Variants in TENM4 observed in about 807,000 individuals in gnomAD.
The protein encoded by TENM4 is teneurin-4.
In TENM4, 82 loss-of-function variants were observed where a neutral mutation model predicts 243.3. The ratio of observed to expected loss-of-function variants is 0.34; its 90% confidence interval spans 0.28 to 0.40. The LOEUF (loss-of-function observed/expected upper bound fraction) is 0.40, where lower values mean the gene tolerates loss of function less well. Among genes scored for constraint, TENM4 ranks in the 10% least tolerant of loss-of-function variants. TENM4 has a pLI of 1.00. For synonymous variants in TENM4, 1,412 were observed against 1,456.3 expected (o/e 0.97, Z 0.69); for missense variants, 3,138 against 3,673.3 (o/e 0.85, Z 3.77).
chr11:79,268,625 A>T (rs546644544), intron 2 of TENM4, among the ~76,000 whole-genome samples: 1 of 152,332 alleles, frequency 6.6e-6, no homozygotes, highest in South Asian at 2.1e-4. Context: ...TCATTTGTGG[A>T]CCATGCATAA....
intron 17 of TENM4, among the ~76,000 whole-genome samples, chr11:78,777,224 T>C (rs1591015815): frequency 6.6e-6 from 1 of 152,192 alleles, no homozygotes; most frequent in Non-Finnish European, 1.5e-5. Context: ...GAAGTACTAC[T>C]CTTTCTTGCT....
chr11:79,157,223 A>G (rs1459266416), intron 3 of TENM4, among the ~76,000 whole-genome samples: 1 of 152,150 alleles, frequency 6.6e-6, no homozygotes, highest in African/African-American at 2.4e-5. Flanking sequence ...GCAATAAGAC[A>G]AGCCATAACT....
At chr11:78,999,290 G>T (rs1420108117) in intron 6 of TENM4, among the ~76,000 whole-genome samples, 3 of 152,140 alleles carry the variant, frequency 2.0e-5, no homozygotes, top group African/African-American at 7.2e-5. Context: ...GAGGTGGGTG[G>T]ATCACGAGGT....
chr11:79,339,813 G>A (rs1017485955), intron 1 of TENM4, among the ~76,000 whole-genome samples: 1 of 152,166 alleles, frequency 6.6e-6, no homozygotes, highest in African/African-American at 2.4e-5. Flanking sequence ...GAAGGAGAAA[G>A]AGTAAAGAAT....
At chr11:78,885,802 G>A (rs916690928) in intron 9 of TENM4, among the ~76,000 whole-genome samples, 1 of 152,156 alleles carries the variant, frequency 6.6e-6, no homozygotes, top group African/African-American at 2.4e-5. Context: ...GGGCACAACT[G>A]TAGTCCCGGC....
At chr11:79,355,504 G>T (rs1283495236) in intron 1 of TENM4, among the ~76,000 whole-genome samples, 3 of 108,810 alleles carry the variant, frequency 2.8e-5, no homozygotes, top group Non-Finnish European at 6.0e-5. Context: ...CTACACTCCA[G>T]CCTGGGTGAC....
chr11:78,727,528 T>C (rs560491019), intron 22 of TENM4, among the ~76,000 whole-genome samples: 1 of 152,340 alleles, frequency 6.6e-6, no homozygotes, highest in South Asian at 2.1e-4. Context: ...TTGTCCATTT[T>C]TCAAATTTTT....
intron 4 of TENM4, among the ~76,000 whole-genome samples, chr11:79,077,421 A>C (rs964378144): frequency 1.3e-5 from 2 of 152,232 alleles, no homozygotes; most frequent in African/African-American, 4.8e-5. Context: ...AGGAGAGAAA[A>C]AAGTTTAGAT....
chr11:79,075,210 C>T (rs1457589423), intron 4 of TENM4, among the ~76,000 whole-genome samples: 2 of 152,186 alleles, frequency 1.3e-5, no homozygotes, highest in East Asian at 3.8e-4. Context: ...TGAATCGGTC[C>T]CATTTTATTG....
chr11:79,214,366 G>T (rs1864010080), intron 3 of TENM4, among the ~76,000 whole-genome samples: 1 of 152,110 alleles, frequency 6.6e-6, no homozygotes, highest in Non-Finnish European at 1.5e-5. Flanking sequence ...ATCTCAGTTT[G>T]TAGTTATATA....
At chr11:78,855,872 G>A (rs1858669271) in intron 11 of TENM4, 92 bp downstream of exon 11, 1 of 1,249,178 alleles carries the variant, frequency 8.0e-7, no homozygotes, top group African/African-American at 1.5e-5. Flanking sequence ...GTCCCTTCAG[G>A]CTTAAGGCTC....
intron 6 of TENM4, among the ~76,000 whole-genome samples, chr11:78,943,640 A>G (rs1856950398): frequency 6.6e-6 from 1 of 152,082 alleles, no homozygotes; most frequent in Admixed American, 6.5e-5. Context: ...TTTTTCTAGT[A>G]GGGAAATGTA....
intron 1 of TENM4, among the ~76,000 whole-genome samples, chr11:79,378,296 C>T (rs1370158188): frequency 6.6e-6 from 1 of 152,128 alleles, no homozygotes; most frequent in Non-Finnish European, 1.5e-5. Flanking sequence ...GGCCTGGGGC[C>T]CTTCTCTGGC....
intron 6 of TENM4, among the ~76,000 whole-genome samples, chr11:79,040,033 T>A (rs1428201607): frequency 1.4e-5 from 2 of 142,598 alleles, no homozygotes; most frequent in Non-Finnish European, 3.0e-5. Context: ...GCAAAATGAT[T>A]AAAAAAAAAA....
At chr11:78,878,730 G>C (rs1343777158) in intron 9 of TENM4, among the ~76,000 whole-genome samples, 1 of 152,198 alleles carries the variant, frequency 6.6e-6, no homozygotes, top group African/African-American at 2.4e-5. Context: ...TTCTGAAGAG[G>C]ATCTAGCAGT....
intron 2 of TENM4, among the ~76,000 whole-genome samples, chr11:79,280,138 A>G (rs1189114539): frequency 1.3e-5 from 2 of 152,342 alleles, no homozygotes; most frequent in African/African-American, 4.8e-5. Flanking sequence ...TGAGAAATAA[A>G]TTTGTTCTTT....
At chr11:78,668,822 G>A in intron 32 of TENM4, 115 bp downstream of exon 32, 1 of 1,336,390 alleles carries the variant, frequency 7.5e-7, no homozygotes, top group African/African-American at 1.5e-5. Context: ...GCTGCTCTAA[G>A]AGAAAGTCAG....
intron 4 of TENM4, among the ~76,000 whole-genome samples, chr11:79,120,518 A>G (rs1434942573): frequency 1.3e-5 from 2 of 152,238 alleles, no homozygotes; most frequent in Non-Finnish European, 2.9e-5. Flanking sequence ...TGTTACTGGT[A>G]GGATTTGGGC....
chr11:78,973,671 T>C (rs565879535), intron 6 of TENM4, among the ~76,000 whole-genome samples: 15 of 151,968 alleles, frequency 9.9e-5, no homozygotes, highest in Non-Finnish European at 1.9e-4. Context: ...AAAGAAAACA[T>C]CAATGAACAA....
Sources: allele counts gnomAD v4.1 joint callset (sites outside exome capture counted in the v4.1 genomes callset), GRCh38; gene constraint gnomAD v4.1.1; transcripts MANE v1.5; gene names NCBI Gene and HGNC (gene_info 2026-07-23, HGNC 2026-07-21).